The following AKAP19 variants were observed in gnomAD, a reference collection of about 807,000 sequenced individuals.
AKAP19 encodes the protein small A-kinase anchoring protein.
At chr2:190,121,227 C>T in the AKAP19 span, among the ~76,000 whole-genome samples, 2 of 151,794 alleles carry the variant, frequency 1.3e-5, no homozygotes, top group South Asian at 4.2e-4. Context: ...ATCCTCCCAC[C>T]CCAGCCTCCC....
the AKAP19 span, among the ~76,000 whole-genome samples, chr2:189,900,094 A>C: frequency 6.6e-6 from 1 of 152,198 alleles, no homozygotes; most frequent in Non-Finnish European, 1.5e-5. Context: ...TAGAATCACT[A>C]TCTTGCTTGC....
the AKAP19 span, among the ~76,000 whole-genome samples, chr2:190,083,155 G>T: frequency 6.6e-6 from 1 of 152,194 alleles, no homozygotes; most frequent in Non-Finnish European, 1.5e-5. Context: ...AAGGCGGGTG[G>T]ATCACTTGAG....
the AKAP19 span, among the ~76,000 whole-genome samples, chr2:190,194,278 C>T: frequency 6.6e-5 from 10 of 151,962 alleles, no homozygotes; most frequent in Non-Finnish European, 1.0e-4. Flanking sequence ...GTTCAGAACA[C>T]GTATTTTTTC....
At chr2:190,106,090 A>G in the AKAP19 span, among the ~76,000 whole-genome samples, 1 of 152,256 alleles carries the variant, frequency 6.6e-6, no homozygotes, top group Non-Finnish European at 1.5e-5. Flanking sequence ...TTTTCAAACT[A>G]TGGCAAAAGA....
At chr2:190,174,055 G>A in the AKAP19 span, among the ~76,000 whole-genome samples, 2 of 152,030 alleles carry the variant, frequency 1.3e-5, no homozygotes, top group African/African-American at 4.8e-5. Context: ...TGCCACTCCG[G>A]CTCCTACCTT....
the AKAP19 span, among the ~76,000 whole-genome samples, chr2:190,068,872 A>C: frequency 3.3e-5 from 5 of 152,154 alleles, no homozygotes; most frequent in Non-Finnish European, 7.4e-5. Context: ...ACACTGCAGT[A>C]GTTCTCCAGT....
chr2:190,090,261 C>A, the AKAP19 span, among the ~76,000 whole-genome samples: 1 of 152,166 alleles, frequency 6.6e-6, no homozygotes, highest in Admixed American at 6.5e-5. Flanking sequence ...TCTATACACT[C>A]CTTTCACAGT....
chr2:190,175,187 C>T, the AKAP19 span, among the ~76,000 whole-genome samples: 1 of 152,154 alleles, frequency 6.6e-6, no homozygotes, highest in Non-Finnish European at 1.5e-5. Context: ...AATATAGTGT[C>T]TATTAATGAT....
the AKAP19 span, among the ~76,000 whole-genome samples, chr2:190,003,894 CTTA>C: frequency 6.6e-6 from 1 of 152,040 alleles, no homozygotes; most frequent in Non-Finnish European, 1.5e-5. Context: ...TGTATTCCTA[CTTA>C]TTATTTTTAA....
chr2:189,963,687 T>C, the AKAP19 span, among the ~76,000 whole-genome samples: 1 of 152,180 alleles, frequency 6.6e-6, no homozygotes, highest in Admixed American at 6.5e-5. Context: ...GCATCTAGAA[T>C]AGGAGGTTGT....
chr2:189,894,343 C>G, the AKAP19 span, among the ~76,000 whole-genome samples: 3 of 152,114 alleles, frequency 2.0e-5, no homozygotes, highest in African/African-American at 7.2e-5. Context: ...TGATCAAATG[C>G]CCCTTTCTCT....
chr2:190,122,879 AG>A, the AKAP19 span, among the ~76,000 whole-genome samples: 1 of 151,306 alleles, frequency 6.6e-6, no homozygotes, highest in East Asian at 1.9e-4. Flanking sequence ...GCATGATCAT[AG>A]CTCACTGCAA....
the AKAP19 span, among the ~76,000 whole-genome samples, chr2:190,151,959 T>A: frequency 5.3e-5 from 8 of 151,768 alleles, no homozygotes; most frequent in Non-Finnish European, 1.2e-4. Context: ...GCTGGGATTG[T>A]GCCACTGCAC....
the AKAP19 span, among the ~76,000 whole-genome samples, chr2:190,132,223 G>A: frequency 2.6e-5 from 4 of 152,138 alleles, no homozygotes; most frequent in Non-Finnish European, 5.9e-5. Flanking sequence ...ATATTACAAA[G>A]CGATCTACAG....
At chr2:189,959,664 G>A in the AKAP19 span, among the ~76,000 whole-genome samples, 1 of 152,112 alleles carries the variant, frequency 6.6e-6, no homozygotes, top group Non-Finnish European at 1.5e-5. Context: ...CAGTGGACTT[G>A]GTTTGAGAAC....
At chr2:189,990,275 T>G in the AKAP19 span, among the ~76,000 whole-genome samples, 2 of 152,198 alleles carry the variant, frequency 1.3e-5, no homozygotes, top group African/African-American at 4.8e-5. Flanking sequence ...ATAAATGCCC[T>G]TTATCAGATT....
the AKAP19 span, among the ~76,000 whole-genome samples, chr2:189,943,549 G>C: frequency 6.6e-6 from 1 of 152,206 alleles, no homozygotes. Context: ...CCCCCACACA[G>C]AGTCCCCAAT....
chr2:190,146,661 C>A, the AKAP19 span, among the ~76,000 whole-genome samples: 1 of 152,178 alleles, frequency 6.6e-6, no homozygotes, highest in Non-Finnish European at 1.5e-5. Context: ...ATGCAAGCAT[C>A]CACTGTTTTC....
At chr2:189,931,114 T>C in the AKAP19 span, 5 of 358,214 alleles carry the variant, frequency 1.4e-5, no homozygotes, top group South Asian at 5.1e-4. Flanking sequence ...ACTATGTAAA[T>C]ATATTGTTGC....
Sources: allele counts gnomAD v4.1 joint callset (sites outside exome capture counted in the v4.1 genomes callset), GRCh38; gene constraint gnomAD v4.1.1; transcripts MANE v1.5; gene names NCBI Gene and HGNC (gene_info 2026-07-23, HGNC 2026-07-21).